Variants in SBF2 observed in about 807,000 individuals in gnomAD.
SBF2 encodes the protein myotubularin-related protein 13.
SBF2 carries 112 observed loss-of-function variants against 225.2 expected under a neutral mutation model. That is an observed-to-expected ratio of 0.50 (90% CI 0.43 to 0.58). The LOEUF is 0.58. SBF2 is among the 20% of genes least tolerant of loss of function. The pLI, the probability that SBF2 is intolerant of heterozygous loss-of-function variation, is 0.00. For synonymous variants in SBF2, 763 were observed against 773.3 expected, an observed-to-expected ratio of 0.99 and a Z score of 0.22; for missense variants, 1,996 against 2,206.2, an observed-to-expected ratio of 0.90 and a Z score of 1.91.
chr11:10,048,743 T>C (rs1280521500), intron 2 of SBF2, among the ~76,000 whole-genome samples: 1 of 152,160 alleles, frequency 6.6e-6, no homozygotes, highest in Non-Finnish European at 1.5e-5. Flanking sequence ...TAATTTATAT[T>C]TTAAGTATTA....
At chr11:9,989,151 G>T (rs1947316437) in intron 13 of SBF2, among the ~76,000 whole-genome samples, 1 of 151,944 alleles carries the variant, frequency 6.6e-6, no homozygotes, top group Non-Finnish European at 1.5e-5. Context: ...CAGTAACCTG[G>T]ATGAGATAGG....
intron 17 of SBF2, among the ~76,000 whole-genome samples, chr11:9,875,269 T>C (rs1031768222): frequency 6.6e-6 from 1 of 152,204 alleles, no homozygotes; most frequent in Non-Finnish European, 1.5e-5. Context: ...GTGCTAAGAA[T>C]AAATAGCTAT....
intron 1 of SBF2, among the ~76,000 whole-genome samples, chr11:10,260,702 C>CA (rs56816687): frequency 0.14 from 8,329 of 60,248 alleles, 362 homozygotes; most frequent in Middle Eastern, 0.22. Context: ...GATTCCATCT[C>CA]AAAAAAAAAA....
chr11:10,171,367 C>T (rs578253040), intron 2 of SBF2, among the ~76,000 whole-genome samples: 16 of 152,282 alleles, frequency 1.1e-4, no homozygotes, highest in African/African-American at 3.6e-4. Context: ...TGAATTTTAT[C>T]AGATGCTTTT....
chr11:9,827,340 C>A (rs1335144223), intron 28 of SBF2, among the ~76,000 whole-genome samples: 2 of 151,992 alleles, frequency 1.3e-5, no homozygotes, highest in African/African-American at 4.8e-5. Context: ...CCAGCCTGGG[C>A]AACATAGTAA....
At chr11:10,216,721 C>A (rs957668946) in intron 1 of SBF2, among the ~76,000 whole-genome samples, 1 of 151,798 alleles carries the variant, frequency 6.6e-6, no homozygotes, top group Non-Finnish European at 1.5e-5. Flanking sequence ...AATACAAAAA[C>A]TAGCCGGGTG....
At position 9,947,011 on chromosome 11, in the gene SBF2, C is replaced by T. The variant is rs1445838030; in HGVS notation, c.1860+14946G>A. Among the ~76,000 whole-genome samples, 8 of 148,520 alleles carry T rather than the reference C, an allele frequency of 5.4e-5. No individual in the cohort carries two copies. In the East Asian group the frequency reaches 1.6e-3, roughly 29 times the overall value. On this transcript the variant is annotated intron_variant, in intron 16 of 39. Coordinates refer to ENST00000256190, the MANE Select transcript of SBF2 (RefSeq NM_030962.4). ...TTTTAGGAGAAATGAAACTTAAGGACTGGAATCTAGAATTAGTTATTTGAT... is the reference window on the plus strand; with the variant it reads ...TTTTAGGAGAAATGAAACTTAAGGATTGGAATCTAGAATTAGTTATTTGAT...
chr11:10,229,889 ATCTG>A (rs1160813897), intron 1 of SBF2, among the ~76,000 whole-genome samples: 2 of 152,168 alleles, frequency 1.3e-5, no homozygotes, highest in Non-Finnish European at 2.9e-5. Context: ...TGTCTGGTTG[ATCTG>A]TCTAATGTTG....
intron 2 of SBF2, among the ~76,000 whole-genome samples, chr11:10,174,519 C>G (rs1007240390): frequency 6.6e-6 from 1 of 152,100 alleles, no homozygotes; most frequent in Non-Finnish European, 1.5e-5. Flanking sequence ...TGGGAAAAGA[C>G]CAAATCTACG....
intron 2 of SBF2, among the ~76,000 whole-genome samples, chr11:10,172,628 C>G (rs1236506558): frequency 6.6e-6 from 1 of 152,214 alleles, no homozygotes; most frequent in South Asian, 2.1e-4. Context: ...GCTGGGATTA[C>G]AGGTGTGAGC....
chr11:9,963,237 G>C (rs2134367188), intron 15 of SBF2, among the ~76,000 whole-genome samples: 1 of 152,312 alleles, frequency 6.6e-6, no homozygotes, highest in South Asian at 2.1e-4. Context: ...GGCTGAGGCG[G>C]CTGGATCACT....
chr11:10,175,948 T>C (rs966370345), intron 2 of SBF2, among the ~76,000 whole-genome samples: 88 of 149,298 alleles, frequency 5.9e-4, no homozygotes, highest in African/African-American at 1.8e-3. Context: ...GAAATAAAGA[T>C]GTTCTTTGAA....
At chr11:10,149,253 T>C (rs1433131632) in intron 2 of SBF2, 1 of 152,220 alleles carries the variant, frequency 6.6e-6, no homozygotes, top group South Asian at 2.1e-4. Flanking sequence ...ATCTGACCAT[T>C]ATATCAATGT....
intron 2 of SBF2, among the ~76,000 whole-genome samples, chr11:10,046,216 G>A (rs1242268585): frequency 6.6e-6 from 1 of 152,116 alleles, no homozygotes; most frequent in African/African-American, 2.4e-5. Context: ...AAGGACAACT[G>A]TATACCAATT....
chr11:9,827,532 TA>T (rs36082411), intron 28 of SBF2, among the ~76,000 whole-genome samples: 70,593 of 145,838 alleles, frequency 0.48, 18,706 homozygotes, highest in Non-Finnish European at 0.62. Context: ...GACTCTGTCT[TA>T]AAAAAAAAAA....
Position 10,223,398 on chromosome 11 carries a change from A to ATT in SBF2, c.56-29413_56-29412dup, listed in dbSNP as rs1491092872. ...CCAATAAACAACACATATTTTGCAC[A>ATT]TTATATATATATATATATATATATA... On this transcript the variant is annotated intron_variant, in intron 1 of 39. Transcript: ENST00000256190. Among the ~76,000 whole-genome samples, 272 of 54,390 alleles carry ATT rather than the reference A, an allele frequency of 5.0e-3. 3 individuals are homozygous for ATT. Among genetic ancestry groups the ATT allele is most frequent in the Non-Finnish European group, 7.3e-3 (202 of 27,570 alleles). 35.7% of individuals were successfully genotyped at this position (54,390 alleles called of 152,430 possible).
intron 2 of SBF2, among the ~76,000 whole-genome samples, chr11:10,128,737 T>C (rs1196559746): frequency 6.6e-6 from 1 of 152,242 alleles, no homozygotes; most frequent in Non-Finnish European, 1.5e-5. Context: ...GTTTTATTAA[T>C]TTATAAACTC....
At chr11:9,946,918 G>A (rs1865597467) in intron 16 of SBF2, among the ~76,000 whole-genome samples, 2 of 152,202 alleles carry the variant, frequency 1.3e-5, no homozygotes, top group Admixed American at 6.5e-5. Flanking sequence ...ACTGGGATAA[G>A]TATAATAAAG....
intron 2 of SBF2, among the ~76,000 whole-genome samples, chr11:10,098,141 C>G (rs1952111439): frequency 6.6e-6 from 1 of 152,034 alleles, no homozygotes; most frequent in Non-Finnish European, 1.5e-5. Context: ...ACATGGCACC[C>G]TATATGTGCC....
Sources: allele counts gnomAD v4.1 joint callset (sites outside exome capture counted in the v4.1 genomes callset), GRCh38; gene constraint gnomAD v4.1.1; transcripts MANE v1.5; gene names NCBI Gene and HGNC (gene_info 2026-07-23, HGNC 2026-07-21).